Variants in PTPRM observed in about 807,000 individuals in gnomAD.
The protein encoded by PTPRM is receptor-type tyrosine-protein phosphatase mu.
Under a neutral mutation model 186.7 loss-of-function variants are expected in PTPRM, and 47 were observed. The ratio of observed to expected loss-of-function variants is 0.25; its 90% confidence interval spans 0.20 to 0.32. The LOEUF is 0.32. Among genes scored for constraint, PTPRM ranks in the 10% least tolerant of loss-of-function variants. The pLI is 1.00. For missense variants in PTPRM, 1,494 were observed against 1,865.0 expected, an observed-to-expected ratio of 0.80 and a Z score of 3.66; for synonymous variants, 668 against 674.9, an observed-to-expected ratio of 0.99 and a Z score of 0.16.
intron 14 of PTPRM, among the ~76,000 whole-genome samples, chr18:8,212,460 C>T (rs373431062): frequency 1.3e-5 from 2 of 151,836 alleles, no homozygotes; most frequent in South Asian, 2.1e-4. Flanking sequence ...CACACACACA[C>T]GAGAATTATG....
intron 20 of PTPRM, among the ~76,000 whole-genome samples, chr18:8,303,902 A>T (rs575302240): frequency 4.5e-4 from 69 of 152,274 alleles, no homozygotes; most frequent in Middle Eastern, 6.8e-3. Context: ...TCTCCTGTAG[A>T]CCCTACCTTG....
Position 8,113,473 on chromosome 18 carries a change from C to G in PTPRM, c.1857-13C>G. 6.2e-7 allele frequency: 1 copy of G among 1,609,334 alleles called. No homozygotes were observed. ...ATCATAAAATATCATTGATGGTACT[C>G]TTGTTTTTCTAGTGTCTATCAAATA... On this transcript the variant is annotated splice_polypyrimidine_tract_variant and intron_variant, in intron 11 of 32. Coordinates refer to ENST00000580170, the MANE Select transcript of PTPRM (RefSeq NM_001105244.2).
rs766639399 is a variant in PTPRM, at chr18:7,706,601, C to CAAAAAAAAAAAA, written c.74-67530_74-67519dup. Reference sequence around the variant, plus strand: ...TGGATGACAGAACAAGACCTTGTCTCAAAAAAAAAAAAAAAAAAAAAAAAA... The same window carrying CAAAAAAAAAAAA: ...TGGATGACAGAACAAGACCTTGTCTCAAAAAAAAAAAAAAAAAAAAAAAAAAAAAAAAAAAAA... On this transcript the variant is annotated intron_variant, in intron 1 of 32. Coordinates refer to ENST00000580170, the MANE Select transcript of PTPRM (RefSeq NM_001105244.2). Among the ~76,000 whole-genome samples the CAAAAAAAAAAAA allele has an allele frequency of 1.9e-3, 30 of 16,142 alleles. 3 individuals are homozygous for CAAAAAAAAAAAA. The highest frequency in any genetic ancestry group is 3.6e-3 in the Non-Finnish European group (28 of 7,872). 10.6% of individuals were successfully genotyped at this position (16,142 alleles called of 152,430 possible). A position where few individuals can be genotyped will look rare whatever the true frequency, so the allele number is the denominator to read the frequency against.
chr18:7,634,408 A>G (rs1341230172), intron 1 of PTPRM, among the ~76,000 whole-genome samples: 1 of 152,118 alleles, frequency 6.6e-6, no homozygotes, highest in African/African-American at 2.4e-5. Flanking sequence ...TACTGTTTGT[A>G]TACTCACAGG....
intron 2 of PTPRM, among the ~76,000 whole-genome samples, chr18:7,783,343 G>C (rs1205304234): frequency 6.6e-6 from 1 of 152,102 alleles, no homozygotes; most frequent in Non-Finnish European, 1.5e-5. Flanking sequence ...CAATTTACTG[G>C]GACAGAGAAA....
At chr18:7,731,281 T>G (rs1255061600) in intron 1 of PTPRM, among the ~76,000 whole-genome samples, 1 of 152,222 alleles carries the variant, frequency 6.6e-6, no homozygotes, top group Non-Finnish European at 1.5e-5. Context: ...TTGTTCTTAC[T>G]GGTAATAATC....
intron 1 of PTPRM, among the ~76,000 whole-genome samples, chr18:7,690,763 T>G (rs2039714152): frequency 6.6e-6 from 1 of 152,230 alleles, no homozygotes; most frequent in African/African-American, 2.4e-5. Flanking sequence ...TCATTAACTC[T>G]TATTGCCTTG....
At chr18:8,322,965 G>A (rs542707407) in intron 22 of PTPRM, among the ~76,000 whole-genome samples, 1 of 152,048 alleles carries the variant, frequency 6.6e-6, no homozygotes, top group East Asian at 1.9e-4. Flanking sequence ...GACCACAGTT[G>A]CACACCATGC....
chr18:8,319,154 A>G, intron 21 of PTPRM, 24 bp from the exon 22 acceptor site: 1 of 1,477,142 alleles, frequency 6.8e-7, no homozygotes, highest in Non-Finnish European at 9.4e-7. Context: ...TGTTTATCAA[A>G]TATTCTCTTT....
intron 14 of PTPRM, among the ~76,000 whole-genome samples, chr18:8,175,878 G>A (rs906589037): frequency 2.6e-5 from 4 of 152,176 alleles, no homozygotes; most frequent in Admixed American, 2.0e-4. Flanking sequence ...AAAATGTAAA[G>A]CAGATTTATT....
chr18:7,867,228 G>T (rs959075250), intron 2 of PTPRM, among the ~76,000 whole-genome samples: 1 of 152,140 alleles, frequency 6.6e-6, no homozygotes, highest in South Asian at 2.1e-4. Context: ...GTGTGAATTT[G>T]ATCCTGTCAT....
intron 19 of PTPRM, among the ~76,000 whole-genome samples, chr18:8,282,038 A>G (rs140478440): frequency 6.6e-6 from 1 of 152,298 alleles, no homozygotes; most frequent in African/African-American, 2.4e-5. Flanking sequence ...CAAACTACAT[A>G]TCAAAGGATT....
intron 1 of PTPRM, among the ~76,000 whole-genome samples, chr18:7,580,793 A>G (rs765499790): frequency 1.3e-5 from 2 of 152,160 alleles, no homozygotes; most frequent in African/African-American, 2.4e-5. Context: ...CCCTCCCCAT[A>G]CATACACAGA....
At chr18:8,363,500 C>T (rs2095609297) in intron 23 of PTPRM, among the ~76,000 whole-genome samples, 1 of 152,112 alleles carries the variant, frequency 6.6e-6, no homozygotes, top group Non-Finnish European at 1.5e-5. Context: ...TACCTGGCGG[C>T]ATATATATGT....
intron 15 of PTPRM, among the ~76,000 whole-genome samples, chr18:8,246,421 A>G (rs970206709): frequency 6.6e-6 from 1 of 152,206 alleles, no homozygotes; most frequent in African/African-American, 2.4e-5. Flanking sequence ...CTGCTTTAAT[A>G]TGCTATAAAA....
chr18:7,979,536 A>G (rs2082432873), intron 7 of PTPRM, among the ~76,000 whole-genome samples: 2 of 152,226 alleles, frequency 1.3e-5, no homozygotes, highest in Admixed American at 1.3e-4. Context: ...CAAATGAAAA[A>G]TACTCGTTGA....
chr18:8,375,955 G>A, intron 24 of PTPRM, 91 bp from the exon 25 acceptor site: 1 of 1,381,602 alleles, frequency 7.2e-7, no homozygotes, highest in Admixed American at 1.8e-5. Flanking sequence ...TTGCTACCTG[G>A]GGACTGTTTC....
At chr18:7,664,405 A>T (rs1478643450) in intron 1 of PTPRM, among the ~76,000 whole-genome samples, 1 of 152,198 alleles carries the variant, frequency 6.6e-6, no homozygotes, top group Non-Finnish European at 1.5e-5. Flanking sequence ...AGAGCATTAA[A>T]CATTGAGCAT....
intron 2 of PTPRM, among the ~76,000 whole-genome samples, chr18:7,868,238 T>C (rs1419114913): frequency 6.6e-6 from 1 of 152,188 alleles, no homozygotes; most frequent in Non-Finnish European, 1.5e-5. Flanking sequence ...TGTTCCCCAC[T>C]GGTGAGGAGT....
Sources: allele counts gnomAD v4.1 joint callset (sites outside exome capture counted in the v4.1 genomes callset), GRCh38; gene constraint gnomAD v4.1.1; transcripts MANE v1.5; gene names NCBI Gene and HGNC (gene_info 2026-07-23, HGNC 2026-07-21).